RCC2: variants seen among roughly 807,000 people sequenced by gnomAD.
The protein encoded by RCC2 is regulator of chromosome condensation 2.
Under a neutral mutation model 64.1 loss-of-function variants are expected in RCC2, and 19 were observed. The ratio of observed to expected loss-of-function variants is 0.30; its 90% CI spans 0.21 to 0.44. RCC2 has a LOEUF of 0.44. Ranked by LOEUF, RCC2 falls within the 20% of genes least tolerant of loss-of-function variation. The pLI, the probability that RCC2 is intolerant of heterozygous loss-of-function variation, is 1.00. For missense variants in RCC2, 508 were observed against 710.4 expected (o/e 0.72, Z 3.24); for synonymous variants, 325 against 279.6 (o/e 1.16, Z -1.62).
intron 1 of RCC2, 72 bp from the exon 2 acceptor site, chr1:17,438,594 C>T (rs991499742): frequency 5.6e-6 from 7 of 1,250,196 alleles, no homozygotes; most frequent in Non-Finnish European, 6.1e-6. Flanking sequence ...GGAGCGGAGA[C>T]GAGCCACCCG....
chr1:17,408,974 A>G lies in RCC2; in HGVS notation c.*116T>C. On this transcript the variant is annotated 3_prime_UTR_variant, in exon 13 of 13. Coordinates refer to ENST00000375436, the MANE Select transcript of RCC2 (RefSeq NM_018715.4). ...GGAACCTCAGGGAGTCTAAACAAAA[A>G]TGCACCTTCGGTCAACTTTTGCTTT... 1 of 806,750 alleles carries G rather than the reference A, an allele frequency of 1.2e-6. No homozygotes were observed. Among genetic ancestry groups the G allele is most frequent in the Non-Finnish European group, 2.2e-6 (1 of 461,838 alleles). 50.0% of individuals were successfully genotyped at this position (806,750 alleles called of 1,614,324 possible).
intron 7 of RCC2, 124 bp from the exon 8 acceptor site, chr1:17,416,770 C>A: frequency 1.1e-6 from 1 of 936,838 alleles, no homozygotes; most frequent in Non-Finnish European, 1.5e-6. Context: ...GGCCTTAGAC[C>A]AGCACACGTT....
At position 17,422,471 on chromosome 1, in the gene RCC2, G is replaced by A. The variant is rs540773915; in HGVS notation, c.656-180C>T. On this transcript the variant is annotated intron_variant, in intron 5 of 12. Transcript: ENST00000375436. ...GCAAAGCCATTTCACATCAGAAACT[G>A]GGTGTGCAGAGAAACAGAGGGCAGC... Among the ~76,000 whole-genome samples the A allele has an allele frequency of 2.0e-5, 3 of 152,320 alleles. No homozygotes were observed. In the South Asian group the frequency reaches 6.2e-4, roughly 32 times the overall value.
At chr1:17,439,164 G>A (rs1402978614) in intron 1 of RCC2, among the ~76,000 whole-genome samples, 3 of 152,106 alleles carry the variant, frequency 2.0e-5, no homozygotes, top group African/African-American at 4.8e-5. Flanking sequence ...CTGGACCCCA[G>A]CCCCAAACAC....
chr1:17,435,773 C>G (rs2100398486), intron 2 of RCC2, among the ~76,000 whole-genome samples: 1 of 152,226 alleles, frequency 6.6e-6, no homozygotes, highest in Middle Eastern at 3.4e-3. Context: ...AAAAAATTAG[C>G]CAGGTGTGGT....
intron 3 of RCC2, among the ~76,000 whole-genome samples, chr1:17,428,747 T>A (rs1203229091): frequency 6.6e-6 from 1 of 152,246 alleles, no homozygotes; most frequent in Non-Finnish European, 1.5e-5. Flanking sequence ...ACCTGACATT[T>A]GACAAATGTC....
At chr1:17,438,608 T>C (rs1416219432) in intron 1 of RCC2, 86 bp from the exon 2 acceptor site, 101 of 1,206,336 alleles carry the variant, frequency 8.4e-5, no homozygotes, top group Non-Finnish European at 1.0e-4. Context: ...CCACCCGGCC[T>C]CCACTTCCTC....
At chr1:17,410,636 G>A (rs2075414415) in intron 11 of RCC2, among the ~76,000 whole-genome samples, 1 of 152,136 alleles carries the variant, frequency 6.6e-6, no homozygotes, top group Admixed American at 6.5e-5. Flanking sequence ...TTGAAAGACT[G>A]AAGGCCCTGG....
chr1:17,428,324 T>C (rs1257492063), intron 3 of RCC2, among the ~76,000 whole-genome samples: 1 of 152,248 alleles, frequency 6.6e-6, no homozygotes, highest in Non-Finnish European at 1.5e-5. Flanking sequence ...GCTGGGCATT[T>C]TCCAAACAAC....
At chr1:17,415,934 T>C (rs1034929226) in intron 8 of RCC2, among the ~76,000 whole-genome samples, 2 of 151,512 alleles carry the variant, frequency 1.3e-5, no homozygotes, top group African/African-American at 4.9e-5. Context: ...CGGGGCATGG[T>C]GGCGCATGCC....
chr1:17,437,773 G>A (rs2075753540), intron 2 of RCC2, among the ~76,000 whole-genome samples: 1 of 21,382 alleles, frequency 4.7e-5, no homozygotes, highest in South Asian at 1.3e-3. Context: ...CCCGCAGAGC[G>A]CCGGCCGCCC....
intron 7 of RCC2, among the ~76,000 whole-genome samples, chr1:17,420,219 A>C (rs1359032725): frequency 6.6e-6 from 1 of 152,206 alleles, no homozygotes; most frequent in African/African-American, 2.4e-5. Flanking sequence ...TCCACCAATG[A>C]GATCGAAGAA....
rs1260535142 is a variant in RCC2, at chr1:17,408,062, A to G, written c.*1028T>C. 1 of 152,280 alleles carries G rather than the reference A, an allele frequency of 6.6e-6. No individual in the cohort carries two copies. The highest frequency in any genetic ancestry group is 1.5e-5 in the Non-Finnish European group (1 of 68,064). 9.4% of individuals were successfully genotyped at this position (152,280 alleles called of 1,614,324 possible). On this transcript the variant is annotated 3_prime_UTR_variant, in exon 13 of 13. Coordinates refer to ENST00000375436, the MANE Select transcript of RCC2 (RefSeq NM_018715.4). ...TCCCAACTATTTGGTACCAGAGCCA[A>G]GCAAACGTGACTAAAGGGAGCTGGG...
At position 17,438,295 on chromosome 1, in the gene RCC2, TCGCCGGCCGCGCCGCGCGCTTGCCCC is replaced by T; in HGVS notation, c.194_219del (p.Gly65AspfsTer25). The T allele has an allele frequency of 7.9e-7, 1 of 1,264,784 alleles. No homozygotes were observed. The highest frequency in any genetic ancestry group is 1.0e-6 in the Non-Finnish European group (1 of 993,208). The allele number at this position is 1,264,784 out of a possible 1,614,324, so 78.3% of individuals were successfully genotyped here. A position where few individuals can be genotyped will look rare whatever the true frequency, so the allele number is the denominator to read the frequency against. On this transcript the variant is annotated frameshift_variant, in exon 2 of 13. Coordinates refer to ENST00000375436, the MANE Select transcript of RCC2 (RefSeq NM_018715.4). LOFTEE classifies it high-confidence loss of function. ...GCCGCGCCGCCCGCCTTGCCTGCTGTCGCCGGCCGCGCCGCGCGCTTGCCCCCGCCGGGGGCCCCGTCGAGCTCCAG... is the reference window on the plus strand; with the variant it reads ...GCCGCGCCGCCCGCCTTGCCTGCTGTCGCCGGGGGCCCCGTCGAGCTCCAG...
intron 4 of RCC2, among the ~76,000 whole-genome samples, chr1:17,424,806 T>C (rs1557629138): frequency 6.6e-6 from 1 of 151,982 alleles, no homozygotes; most frequent in Admixed American, 6.6e-5. Context: ...GGGGATAAAA[T>C]GAGCCTTAGC....
At chr1:17,416,004 AGCT>A (rs2075479237) in intron 8 of RCC2, among the ~76,000 whole-genome samples, 1 of 141,442 alleles carries the variant, frequency 7.1e-6, no homozygotes, top group African/African-American at 2.6e-5. Flanking sequence ...GGGAGGTGGA[AGCT>A]GTGGTGAGCC....
At chr1:17,436,972 T>G (rs192718209) in intron 2 of RCC2, among the ~76,000 whole-genome samples, 107 of 152,300 alleles carry the variant, frequency 7.0e-4, no homozygotes, top group Admixed American at 3.5e-3. Context: ...TTTGACAGCT[T>G]TTGACGGGCT....
chr1:17,438,211 T>C lies in RCC2; in HGVS notation c.285+19A>G. ...GGCCCCGGCCCTGCGCCCACCCGTCTACCCTGACCCTCACTCACGACGCGC... is the reference window on the plus strand; with the variant it reads ...GGCCCCGGCCCTGCGCCCACCCGTCCACCCTGACCCTCACTCACGACGCGC... On this transcript the variant is annotated intron_variant, in intron 2 of 12. Transcript: ENST00000375436. 1 of 1,242,336 alleles carries C rather than the reference T, an allele frequency of 8.0e-7. No individual in the cohort carries two copies. Among genetic ancestry groups the C allele is most frequent in the Non-Finnish European group, 1.0e-6 (1 of 977,958 alleles). 77.0% of individuals were successfully genotyped at this position (1,242,336 alleles called of 1,614,324 possible). A position where few individuals can be genotyped will look rare whatever the true frequency, so the allele number is the denominator to read the frequency against.
intron 10 of RCC2, 76 bp from the exon 11 acceptor site, chr1:17,412,270 G>T: frequency 7.3e-7 from 1 of 1,364,334 alleles, no homozygotes; most frequent in Non-Finnish European, 1.0e-6. Flanking sequence ...TCAAGGGCAT[G>T]AGTGTGAGCT....
Sources: allele counts gnomAD v4.1 joint callset (sites outside exome capture counted in the v4.1 genomes callset), GRCh38; gene constraint gnomAD v4.1.1; transcripts MANE v1.5; gene names NCBI Gene and HGNC (gene_info 2026-07-23, HGNC 2026-07-21).